ERMP1: variants seen among roughly 807,000 people sequenced by gnomAD.
ERMP1 encodes the protein endoplasmic reticulum metallopeptidase 1.
In ERMP1, 86 loss-of-function variants were observed where a neutral mutation model predicts 92.0. The observed-to-expected ratio is 0.93, with a 90% confidence interval of 0.79 to 1.12. ERMP1 has a LOEUF of 1.12. ERMP1 is among the 50% of genes most tolerant of loss of function. The pLI is 0.00. For missense variants in ERMP1, 1,342 were observed against 1,116.3 expected (o/e 1.20, Z -2.88); for synonymous variants, 530 against 412.8 (o/e 1.28, Z -3.44).
upstream of ERMP1, among the ~76,000 whole-genome samples, chr9:5,837,152 T>C (rs146177634): frequency 6.6e-6 from 1 of 152,306 alleles, no homozygotes; most frequent in African/African-American, 2.4e-5. Context: ...GACGATTGGT[T>C]ATTTTCTCTT....
chr9:5,865,100 A>G (rs559903856), intron 5 of ERMP1, among the ~76,000 whole-genome samples: 31 of 152,012 alleles, frequency 2.0e-4, no homozygotes, highest in African/African-American at 7.0e-4. Context: ...AAATTACACA[A>G]TCATTAAAAA....
Position 5,785,820 on chromosome 9 carries a change from T to A in ERMP1, c.*1324A>T, listed in dbSNP as rs1437884417. ...CTTTTCTTTCAACTTTTTGTCCTTG[T>A]TAAAACTCAAAATTTGTCCAACGTT... On this transcript the variant is annotated 3_prime_UTR_variant, in exon 15 of 15. Transcript: ENST00000339450. The A allele has an allele frequency of 6.6e-6, 1 of 152,206 alleles. No individual in the cohort carries two copies. The highest frequency in any genetic ancestry group is 6.5e-5 in the Admixed American group (1 of 15,286). 9.4% of individuals were successfully genotyped at this position (152,206 alleles called of 1,614,324 possible).
intron 14 of ERMP1, 23 bp downstream of exon 14, chr9:5,787,407 A>C (rs1324783385): frequency 6.2e-7 from 1 of 1,610,144 alleles, no homozygotes; most frequent in African/African-American, 1.3e-5. Context: ...TCAATGAAAC[A>C]AACAATGCTG....
intron 6 of ERMP1, among the ~76,000 whole-genome samples, chr9:5,853,194 T>C (rs988836431): frequency 6.6e-6 from 1 of 152,204 alleles, no homozygotes; most frequent in Non-Finnish European, 1.5e-5. Context: ...GGTTACTTTC[T>C]TCATTCTGAT....
intron 4 of ERMP1, among the ~76,000 whole-genome samples, chr9:5,822,824 G>A (rs1196881195): frequency 6.6e-6 from 1 of 152,118 alleles, no homozygotes. Flanking sequence ...TTATGCCTGA[G>A]GTTGCAATTT....
At chr9:5,821,691 C>T (rs1232170191) in intron 4 of ERMP1, among the ~76,000 whole-genome samples, 1 of 152,120 alleles carries the variant, frequency 6.6e-6, no homozygotes, top group African/African-American at 2.4e-5. Context: ...GCAGATTAAA[C>T]CATAAGGCTG....
chr9:5,790,270 C>T (rs1425825798), intron 13 of ERMP1, among the ~76,000 whole-genome samples: 1 of 150,452 alleles, frequency 6.6e-6, no homozygotes, highest in Non-Finnish European at 1.5e-5. Context: ...ACCTCTGCCT[C>T]CCGGGTTCAA....
At chr9:5,865,406 G>C (rs993044393) in intron 5 of ERMP1, among the ~76,000 whole-genome samples, 1 of 152,062 alleles carries the variant, frequency 6.6e-6, no homozygotes. Context: ...TACTTGGGAG[G>C]CTGAGGCAGG....
At chr9:5,829,825 A>C (rs978242965) in intron 2 of ERMP1, among the ~76,000 whole-genome samples, 2 of 152,186 alleles carry the variant, frequency 1.3e-5, no homozygotes, top group East Asian at 3.8e-4. Flanking sequence ...TCTACCACTA[A>C]AATGCTATGC....
intron 5 of ERMP1, among the ~76,000 whole-genome samples, chr9:5,865,555 G>A (rs1031341498): frequency 1.8e-4 from 27 of 149,532 alleles, no homozygotes; most frequent in East Asian, 4.0e-4. Context: ...TATGCAGGCC[G>A]GGCGCAGTGG....
chr9:5,865,384 T>G (rs1183167235), intron 5 of ERMP1, among the ~76,000 whole-genome samples: 1 of 152,058 alleles, frequency 6.6e-6, no homozygotes, highest in Non-Finnish European at 1.5e-5. Context: ...GGCAGGCGCC[T>G]GTAGTCCCAG....
chr9:5,831,946 A>G (rs975358245), intron 1 of ERMP1, among the ~76,000 whole-genome samples: 1 of 152,206 alleles, frequency 6.6e-6, no homozygotes, highest in Non-Finnish European at 1.5e-5. Flanking sequence ...AGCTTGCAAC[A>G]CTTTGCATTC....
chr9:5,852,393 G>C (rs1352863454), intron 6 of ERMP1, among the ~76,000 whole-genome samples: 2 of 151,686 alleles, frequency 1.3e-5, no homozygotes, highest in African/African-American at 4.9e-5. Flanking sequence ...CTCCCTCATA[G>C]CTGGGACTAC....
intron 6 of ERMP1, among the ~76,000 whole-genome samples, chr9:5,842,229 T>A (rs970741269): frequency 1.3e-5 from 2 of 152,178 alleles, no homozygotes; most frequent in Non-Finnish European, 2.9e-5. Context: ...TGGTCCATTT[T>A]ACAGAGTGCT....
intron 13 of ERMP1, among the ~76,000 whole-genome samples, chr9:5,794,258 C>G (rs1414257531): frequency 1.3e-5 from 2 of 151,906 alleles, no homozygotes; most frequent in African/African-American, 2.4e-5. Context: ...AATGAAAATT[C>G]AACTTAAAAT....
chr9:5,847,913 G>GAA (rs71487839), intron 6 of ERMP1, among the ~76,000 whole-genome samples: 2 of 130,502 alleles, frequency 1.5e-5, no homozygotes, highest in East Asian at 2.2e-4. Flanking sequence ...AAAAAGACAG[G>GAA]AAAAAAAAAA....
intron 6 of ERMP1, among the ~76,000 whole-genome samples, chr9:5,844,996 C>T (rs372818983): frequency 6.6e-6 from 1 of 152,088 alleles, no homozygotes; most frequent in East Asian, 1.9e-4. Context: ...TGGTTTCCTG[C>T]CAAAGCGAAC....
upstream of ERMP1, among the ~76,000 whole-genome samples, chr9:5,835,342 G>C (rs1018356261): frequency 6.9e-6 from 1 of 145,600 alleles, no homozygotes; most frequent in Non-Finnish European, 1.5e-5. Context: ...CTAACAAAGA[G>C]ACAATGAACG....
At chr9:5,854,891 T>C (rs758301174) in intron 6 of ERMP1, among the ~76,000 whole-genome samples, 1 of 152,206 alleles carries the variant, frequency 6.6e-6, no homozygotes, top group African/African-American at 2.4e-5. Flanking sequence ...ATATTTCCCA[T>C]GTTTTTTGAG....
Sources: gnomAD v4.1 joint callset for allele counts (sites outside exome capture counted in the v4.1 genomes callset) on GRCh38, gnomAD v4.1.1 for gene constraint, MANE v1.5 for transcripts, NCBI Gene and HGNC (gene_info 2026-07-23, HGNC 2026-07-21) for gene names.